The following FCHSD2 variants were observed in gnomAD, a reference collection of about 807,000 sequenced individuals.
FCHSD2 encodes F-BAR and double SH3 domains protein 2.
A neutral mutation model predicts 108.1 loss-of-function variants in FCHSD2; 38 were observed. The ratio of observed to expected loss-of-function variants is 0.35; its 90% CI spans 0.27 to 0.46. FCHSD2 has a LOEUF of 0.46. Among genes scored for constraint, FCHSD2 ranks in the 20% least tolerant of loss-of-function variants. The probability of loss-of-function intolerance (pLI) is 1.00; values close to 1 mark genes in which losing one functional copy is unlikely to be tolerated. For synonymous variants in FCHSD2, 279 were observed against 314.7 expected (o/e 0.89, Z 1.20); for missense variants, 751 against 897.8 (o/e 0.84, Z 2.09).
At chr11:73,001,684 G>C (rs1020678752) in intron 4 of FCHSD2, among the ~76,000 whole-genome samples, 13 of 152,156 alleles carry the variant, frequency 8.5e-5, no homozygotes, top group Non-Finnish European at 1.5e-4. Context: ...AATATATCAT[G>C]AACAACTGTT....
intron 13 of FCHSD2, among the ~76,000 whole-genome samples, chr11:72,867,544 C>T (rs973873513): frequency 6.6e-6 from 1 of 152,128 alleles, no homozygotes; most frequent in African/African-American, 2.4e-5. Context: ...TTCAGAGACA[C>T]TAGATTGTTT....
rs189822186 is a variant in FCHSD2 at position 72,990,917 on chromosome 11, C to T, written c.388-1820G>A. 9.9e-5 allele frequency among the ~76,000 whole-genome samples: 15 copies of T among 152,134 alleles called. No individual in the cohort carries two copies. The East Asian group carries it at 2.7e-3, about 27-fold the overall frequency. On this transcript the variant is annotated intron_variant, in intron 5 of 19. Coordinates refer to ENST00000409418, the MANE Select transcript of FCHSD2 (RefSeq NM_014824.3). Reference sequence around the variant, plus strand: ...AACCCTTCACAAAAATCAATGAATCCAGGAGCTGGTTTTTTTGAAAAGATC... The same window carrying T: ...AACCCTTCACAAAAATCAATGAATCTAGGAGCTGGTTTTTTTGAAAAGATC...
chr11:72,880,509 C>G (rs1402351271), intron 12 of FCHSD2, among the ~76,000 whole-genome samples: 1 of 152,144 alleles, frequency 6.6e-6, no homozygotes, highest in Non-Finnish European at 1.5e-5. Flanking sequence ...ACACCCTCTT[C>G]AATAAATGCT....
At chr11:73,038,869 C>T (rs1033640305) in intron 3 of FCHSD2, among the ~76,000 whole-genome samples, 2 of 152,130 alleles carry the variant, frequency 1.3e-5, no homozygotes, top group Admixed American at 1.3e-4. Context: ...AGATCTGTCA[C>T]CAAGTAATAA....
intron 2 of FCHSD2, among the ~76,000 whole-genome samples, chr11:73,108,551 GT>G (rs35200645): frequency 0.73 from 110,598 of 150,702 alleles, 40,812 homozygotes; most frequent in South Asian, 0.84. Context: ...TTAGATTTAA[GT>G]TTTTTTTTTT....
intron 10 of FCHSD2, among the ~76,000 whole-genome samples, chr11:72,892,352 CT>C (rs1242431979): frequency 3.9e-5 from 6 of 152,126 alleles, no homozygotes; most frequent in Non-Finnish European, 7.4e-5. Context: ...CTTTGAGATC[CT>C]TTGGGTAGGG....
intron 3 of FCHSD2, among the ~76,000 whole-genome samples, chr11:73,022,168 T>C (rs1488815469): frequency 6.6e-6 from 1 of 152,156 alleles, no homozygotes; most frequent in Non-Finnish European, 1.5e-5. Flanking sequence ...ACCATACTTT[T>C]AATGGTGAGT....
chr11:73,109,317 A>G (rs2135543384), intron 2 of FCHSD2, among the ~76,000 whole-genome samples: 1 of 152,364 alleles, frequency 6.6e-6, no homozygotes, highest in Non-Finnish European at 1.5e-5. Flanking sequence ...TATAGAAACT[A>G]TGGACATTTT....
chr11:73,116,870 T>C (rs935030631), intron 2 of FCHSD2, among the ~76,000 whole-genome samples: 1 of 152,206 alleles, frequency 6.6e-6, no homozygotes, highest in Non-Finnish European at 1.5e-5. Context: ...ACTCAAATTG[T>C]TTCATGGTCA....
chr11:73,088,815 T>C (rs1040997949), intron 2 of FCHSD2, among the ~76,000 whole-genome samples: 1 of 152,212 alleles, frequency 6.6e-6, no homozygotes, highest in Non-Finnish European at 1.5e-5. Flanking sequence ...AGCCTATCTA[T>C]ATATTTTGTA....
At chr11:73,010,261 T>C (rs1195009174) in intron 4 of FCHSD2, among the ~76,000 whole-genome samples, 3 of 152,222 alleles carry the variant, frequency 2.0e-5, no homozygotes, top group African/African-American at 4.8e-5. Flanking sequence ...TTCTTTTTTA[T>C]ATCTCTCTTT....
chr11:73,089,647 T>C (rs965550864), intron 2 of FCHSD2, among the ~76,000 whole-genome samples: 25 of 152,312 alleles, frequency 1.6e-4, no homozygotes, highest in African/African-American at 6.0e-4. Context: ...TGGATGAACC[T>C]CAATAACATT....
At chr11:72,868,059 G>C in intron 12 of FCHSD2, 33 bp from the exon 13 acceptor site, 1 of 1,540,646 alleles carries the variant, frequency 6.5e-7, no homozygotes, top group Admixed American at 2.1e-5. Flanking sequence ...GGAAATCAAG[G>C]CTTTTATTAT....
intron 2 of FCHSD2, among the ~76,000 whole-genome samples, chr11:73,137,425 G>A (rs1231311423): frequency 1.3e-5 from 2 of 152,088 alleles, no homozygotes; most frequent in Admixed American, 6.5e-5. Context: ...AAGTGATCAC[G>A]TGAACCAAAG....
intron 3 of FCHSD2, among the ~76,000 whole-genome samples, chr11:73,054,732 G>C (rs1591517511): frequency 6.6e-6 from 1 of 152,136 alleles, no homozygotes; most frequent in Non-Finnish European, 1.5e-5. Flanking sequence ...CTGAAGTGCA[G>C]TGGCACAATC....
chr11:72,858,119 G>A (rs1462493127), intron 13 of FCHSD2, among the ~76,000 whole-genome samples: 37 of 152,174 alleles, frequency 2.4e-4, no homozygotes, highest in Admixed American at 2.4e-3. Context: ...ACGAGGAAGG[G>A]AGAATCCAGA....
intron 4 of FCHSD2, among the ~76,000 whole-genome samples, chr11:73,010,635 C>T (rs1211348298): frequency 1.3e-5 from 2 of 152,276 alleles, no homozygotes; most frequent in East Asian, 1.9e-4. Context: ...GGTATCTGTA[C>T]GATTTCTTTG....
At chr11:73,103,092 T>C (rs1407469604) in intron 2 of FCHSD2, among the ~76,000 whole-genome samples, 4 of 152,186 alleles carry the variant, frequency 2.6e-5, no homozygotes, top group East Asian at 3.8e-4. Context: ...TCAGCAGTTA[T>C]TTGAGGCTGA....
intron 3 of FCHSD2, among the ~76,000 whole-genome samples, chr11:73,023,691 A>T (rs1858161182): frequency 6.6e-6 from 1 of 152,228 alleles, no homozygotes; most frequent in Non-Finnish European, 1.5e-5. Context: ...TTGAAAACTT[A>T]GGTTCACAAA....
Sources: gnomAD v4.1 joint callset for allele counts (sites outside exome capture counted in the v4.1 genomes callset) on GRCh38, gnomAD v4.1.1 for gene constraint, MANE v1.5 for transcripts, NCBI Gene and HGNC (gene_info 2026-07-23, HGNC 2026-07-21) for gene names.